The following RAD51B variants were observed in gnomAD, a reference collection of about 807,000 sequenced individuals.
The protein encoded by RAD51B is RAD51 paralog B.
RAD51B carries 38 observed loss-of-function variants against 42.2 expected under a neutral mutation model. That is an observed-to-expected ratio of 0.90 (90% CI 0.70 to 1.18). The LOEUF is 1.18. Ranked by LOEUF, RAD51B falls within the 50% of genes most tolerant of loss-of-function variation. RAD51B has a pLI of 0.00. For missense variants in RAD51B, 373 were observed against 400.7 expected (o/e 0.93, Z 0.59); for synonymous variants, 154 against 145.2 (o/e 1.06, Z -0.43).
In RAD51B at chr14:68,444,844, A is replaced by G. The variant is rs759116606; in HGVS notation, c.958-23328A>G. ...TCTGTTTTTACCCCTTAATAATGAG[A>G]CAGCAACCCAAATAACAGATCCCTC... On this transcript the variant is annotated intron_variant, in intron 9 of 10. Transcript: ENST00000471583. 2.0e-5 allele frequency among the ~76,000 whole-genome samples: 3 copies of G among 152,286 alleles called. No homozygotes were observed. The South Asian group carries it at 6.2e-4, about 32-fold the overall frequency.
chr14:68,161,137 A>G, intron 7 of RAD51B, among the ~76,000 whole-genome samples: 1 of 152,202 alleles, frequency 6.6e-6, no homozygotes, highest in Non-Finnish European at 1.5e-5. Flanking sequence ...TGTTTGAGAT[A>G]GGCACTTTAT....
chr14:67,911,639 T>C (rs77578546), intron 7 of RAD51B, among the ~76,000 whole-genome samples: 6,073 of 152,242 alleles, frequency 0.04, 307 homozygotes, highest in African/African-American at 0.12. Flanking sequence ...ATTTTTTTCA[T>C]TTTTTTAAAT....
chr14:68,334,932 C>T (rs1258827540), intron 8 of RAD51B, among the ~76,000 whole-genome samples: 2 of 137,712 alleles, frequency 1.5e-5, no homozygotes, highest in Non-Finnish European at 3.1e-5. Context: ...TATATACACA[C>T]ACATATATAA....
chr14:68,308,282 T>G (rs1478132450), intron 8 of RAD51B, among the ~76,000 whole-genome samples: 1 of 152,190 alleles, frequency 6.6e-6, no homozygotes, highest in Non-Finnish European at 1.5e-5. Context: ...AAAGGAAATG[T>G]ACATGACAGG....
At chr14:68,103,526 A>G (rs544267240) in intron 7 of RAD51B, among the ~76,000 whole-genome samples, 1 of 152,364 alleles carries the variant, frequency 6.6e-6, no homozygotes, top group East Asian at 1.9e-4. Flanking sequence ...AAGATTCTAA[A>G]TTATTACTCT....
intron 7 of RAD51B, among the ~76,000 whole-genome samples, chr14:67,888,101 A>G (rs992691484): frequency 3.3e-5 from 5 of 152,218 alleles, no homozygotes; most frequent in African/African-American, 4.8e-5. Context: ...ATAAACTATC[A>G]CACAGCCTTT....
chr14:68,213,972 G>A (rs1034622164), intron 7 of RAD51B, among the ~76,000 whole-genome samples: 2 of 152,178 alleles, frequency 1.3e-5, no homozygotes, highest in African/African-American at 2.4e-5. Flanking sequence ...CTGGCATCAG[G>A]TTGATGGAGA....
At chr14:68,076,332 A>G (rs543588365) in intron 7 of RAD51B, among the ~76,000 whole-genome samples, 7 of 152,328 alleles carry the variant, frequency 4.6e-5, no homozygotes, top group African/African-American at 1.7e-4. Context: ...GCAGAAATCA[A>G]TTATCTTAAT....
chr14:68,674,742 G>A (rs1893268936), intron 11 of RAD51B, among the ~76,000 whole-genome samples: 1 of 152,152 alleles, frequency 6.6e-6, no homozygotes, highest in African/African-American at 2.4e-5. Flanking sequence ...AGGGGTATGT[G>A]TGTAATGGGG....
chr14:68,570,991 C>G (rs937295181), intron 10 of RAD51B, among the ~76,000 whole-genome samples: 1 of 152,140 alleles, frequency 6.6e-6, no homozygotes, highest in Non-Finnish European at 1.5e-5. Context: ...CTCACACATA[C>G]AGCATTTCCT....
chr14:68,125,489 A>T (rs1417727971), intron 7 of RAD51B: 2 of 152,204 alleles, frequency 1.3e-5, no homozygotes, highest in Admixed American at 1.3e-4. Flanking sequence ...TCTGAATGTG[A>T]ACTTAATCTG....
chr14:68,323,130 C>A (rs1182084608), intron 8 of RAD51B, among the ~76,000 whole-genome samples: 3 of 152,122 alleles, frequency 2.0e-5, no homozygotes, highest in African/African-American at 4.8e-5. Flanking sequence ...AATAAATATG[C>A]CTTCCTGACC....
At position 67,993,121 on chromosome 14, in the gene RAD51B, T is replaced by TAGAG. The variant is rs2075322999; in HGVS notation, c.756+105918_756+105921dup. Among the ~76,000 whole-genome samples, 3 of 152,280 alleles carry TAGAG rather than the reference T, an allele frequency of 2.0e-5. No individual in the cohort carries two copies. In the South Asian group the frequency reaches 6.2e-4, roughly 32 times the overall value. On this transcript the variant is annotated intron_variant, in intron 7 of 10. Transcript: ENST00000471583. ...GGTACATAGTAGTTCTGTATATTTATAGAGTACATGAGATATTTTGATACA... is the reference window on the plus strand; with the variant it reads ...GGTACATAGTAGTTCTGTATATTTATAGAGAGAGTACATGAGATATTTTGATACA...
intron 11 of RAD51B, among the ~76,000 whole-genome samples, chr14:68,661,652 G>C (rs1316740384): frequency 5.9e-5 from 9 of 152,194 alleles, no homozygotes; most frequent in Non-Finnish European, 1.3e-4. Context: ...GCATGAAGGG[G>C]GCGTGGCATG....
intron 7 of RAD51B, among the ~76,000 whole-genome samples, chr14:67,984,769 A>G (rs1316998745): frequency 6.6e-6 from 1 of 152,334 alleles, no homozygotes; most frequent in East Asian, 1.9e-4. Flanking sequence ...ACAGGAGCAA[A>G]GGATGCTCCG....
chr14:68,518,450 C>G (rs901965539), intron 10 of RAD51B, among the ~76,000 whole-genome samples: 1 of 152,152 alleles, frequency 6.6e-6, no homozygotes, highest in Non-Finnish European at 1.5e-5. Flanking sequence ...CATCTGTTCG[C>G]CTAGTCGGGG....
intron 1 of RAD51B, among the ~76,000 whole-genome samples, chr14:67,820,294 C>A (rs980467088): frequency 6.6e-6 from 1 of 152,154 alleles, no homozygotes; most frequent in Non-Finnish European, 1.5e-5. Context: ...TAACTTTGCC[C>A]AAGTTTCTCA....
chr14:68,682,732 A>G (rs1893458650), intron 11 of RAD51B, among the ~76,000 whole-genome samples: 1 of 151,930 alleles, frequency 6.6e-6, no homozygotes, highest in Non-Finnish European at 1.5e-5. Context: ...TGTTAGGAAG[A>G]AAGCAGGGAC....
chr14:68,643,936 T>G (rs1892515304), intron 10 of RAD51B, among the ~76,000 whole-genome samples: 1 of 152,206 alleles, frequency 6.6e-6, no homozygotes, highest in African/African-American at 2.4e-5. Context: ...CTATCATCTC[T>G]CAGATTCCGC....
Sources: allele counts gnomAD v4.1 joint callset (sites outside exome capture counted in the v4.1 genomes callset), GRCh38; gene constraint gnomAD v4.1.1; transcripts MANE v1.5; gene names NCBI Gene and HGNC (gene_info 2026-07-23, HGNC 2026-07-21).